GRIK4: variants seen among roughly 807,000 people sequenced by gnomAD.
GRIK4 encodes the protein glutamate ionotropic receptor kainate type subunit 4.
In GRIK4, 40 loss-of-function variants were observed where a neutral mutation model predicts 104.9. The ratio of observed to expected loss-of-function variants is 0.38; its 90% CI spans 0.30 to 0.50. The LOEUF is 0.50. Ranked by LOEUF, GRIK4 falls within the 20% of genes least tolerant of loss-of-function variation. GRIK4 has a pLI of 0.93. For synonymous variants in GRIK4, 485 were observed against 524.9 expected, an observed-to-expected ratio of 0.92 and a Z score of 1.04; for missense variants, 1,047 against 1,308.1, an observed-to-expected ratio of 0.80 and a Z score of 3.08.
intron 19 of GRIK4, among the ~76,000 whole-genome samples, chr11:120,973,048 C>T (rs560236084): frequency 1.3e-5 from 2 of 152,140 alleles, no homozygotes; most frequent in Non-Finnish European, 2.9e-5. Flanking sequence ...ACCTGAAATA[C>T]ATCCCGGGAA....
At chr11:120,678,372 G>C (rs962092678) in intron 3 of GRIK4, among the ~76,000 whole-genome samples, 10 of 152,268 alleles carry the variant, frequency 6.6e-5, no homozygotes, top group African/African-American at 2.4e-4. Flanking sequence ...GGCCAAGTCT[G>C]CATGCTGGCT....
intron 1 of GRIK4, among the ~76,000 whole-genome samples, chr11:120,649,490 C>T (rs1237580301): frequency 1.3e-5 from 2 of 152,182 alleles, no homozygotes; most frequent in Non-Finnish European, 2.9e-5. Context: ...CTCAGGACTT[C>T]CTCTTTGTCA....
At chr11:120,784,383 G>C (rs1371973728) in intron 3 of GRIK4, among the ~76,000 whole-genome samples, 2 of 152,258 alleles carry the variant, frequency 1.3e-5, no homozygotes, top group African/African-American at 4.8e-5. Flanking sequence ...TGGCCCTCCA[G>C]ATTTTTCTAC....
intron 1 of GRIK4, among the ~76,000 whole-genome samples, chr11:120,571,562 C>T (rs1167207551): frequency 1.3e-5 from 2 of 152,136 alleles, no homozygotes; most frequent in Non-Finnish European, 2.9e-5. Context: ...TGCTGGTTTA[C>T]ATCAGGTGTT....
intron 1 of GRIK4, among the ~76,000 whole-genome samples, chr11:120,514,335 G>A (rs985935300): frequency 3.3e-5 from 5 of 152,098 alleles, no homozygotes; most frequent in East Asian, 3.9e-4. Context: ...GCATCTGATC[G>A]CTCCTTACAG....
chr11:120,843,945 G>T (rs1011389704), intron 8 of GRIK4, among the ~76,000 whole-genome samples: 8 of 152,136 alleles, frequency 5.3e-5, no homozygotes, highest in African/African-American at 1.9e-4. Flanking sequence ...AGGTCCAAGT[G>T]AGCCCTGCAG....
intron 12 of GRIK4, among the ~76,000 whole-genome samples, chr11:120,901,266 C>T (rs909056800): frequency 1.3e-5 from 2 of 152,074 alleles, no homozygotes; most frequent in African/African-American, 2.4e-5. Context: ...CTCGCCTTCT[C>T]CTCCCCATGC....
chr11:120,627,129 C>T (rs930067120), intron 1 of GRIK4, among the ~76,000 whole-genome samples: 5 of 152,208 alleles, frequency 3.3e-5, no homozygotes, highest in Non-Finnish European at 5.9e-5. Context: ...TCTGTGTCAC[C>T]AGCCCACTTT....
chr11:120,920,835 C>T (rs936091298), intron 13 of GRIK4, among the ~76,000 whole-genome samples: 5 of 152,136 alleles, frequency 3.3e-5, no homozygotes, highest in African/African-American at 7.2e-5. Context: ...TCCTCTATGC[C>T]CTGCCTGGCA....
chr11:120,701,310 T>C (rs764201028), intron 3 of GRIK4, among the ~76,000 whole-genome samples: 116 of 152,314 alleles, frequency 7.6e-4, no homozygotes, highest in African/African-American at 1.9e-3. Context: ...ATAATAACCA[T>C]TGCTTCCTTC....
chr11:120,874,702 A>G (rs950149046), intron 10 of GRIK4, among the ~76,000 whole-genome samples: 1 of 152,188 alleles, frequency 6.6e-6, no homozygotes, highest in Non-Finnish European at 1.5e-5. Context: ...CTTCTGTCAG[A>G]GAAGCCTGCT....
intron 11 of GRIK4, among the ~76,000 whole-genome samples, chr11:120,888,195 G>T (rs116187710): frequency 6.6e-6 from 1 of 152,106 alleles, no homozygotes; most frequent in Non-Finnish European, 1.5e-5. Flanking sequence ...ATAAGGATTC[G>T]AATGTTTACT....
chr11:120,742,317 GT>G (rs1444619386), intron 3 of GRIK4, among the ~76,000 whole-genome samples: 15 of 145,948 alleles, frequency 1.0e-4, no homozygotes, highest in African/African-American at 3.8e-4. Flanking sequence ...GTGTACTCCA[GT>G]CTGGGCCACA....
chr11:120,530,712 C>G (rs1947914371), intron 1 of GRIK4, among the ~76,000 whole-genome samples: 1 of 152,064 alleles, frequency 6.6e-6, no homozygotes, highest in South Asian at 2.1e-4. Flanking sequence ...GTTCAGAGGC[C>G]TAAGAAGGTT....
rs115495010 is a variant in GRIK4 at position 120,746,951 on chromosome 11, G to A, written c.83-55742G>A. 1.5e-3 allele frequency among the ~76,000 whole-genome samples: 226 copies of A among 152,294 alleles called. 1 individual carries two copies. Among genetic ancestry groups the A allele is most frequent in the African/African-American group, 5.2e-3 (216 of 41,564 alleles). ...TGACTCCACCACTGGTAAGCTGTGC[G>A]ACATTGTGCAAACCACATCCCCTTC... On this transcript the variant is annotated intron_variant, in intron 3 of 20. Coordinates refer to ENST00000527524, the MANE Select transcript of GRIK4 (RefSeq NM_014619.5).
chr11:120,732,230 C>G (rs1281304811), intron 3 of GRIK4, among the ~76,000 whole-genome samples: 1 of 152,162 alleles, frequency 6.6e-6, no homozygotes, highest in Non-Finnish European at 1.5e-5. Context: ...CTCCTGGGTT[C>G]AAGCGATTCT....
intron 1 of GRIK4, among the ~76,000 whole-genome samples, chr11:120,624,768 A>G (rs1363722108): frequency 6.6e-6 from 1 of 152,018 alleles, no homozygotes; most frequent in Non-Finnish European, 1.5e-5. Context: ...AACAGCTCCC[A>G]CCTCACCTTC....
At position 120,956,795 on chromosome 11, in the gene GRIK4, G is replaced by C; in HGVS notation, c.1716G>C (p.Glu572Asp). 6.3e-7 allele frequency: 1 copy of C among 1,595,890 alleles called. No homozygotes were observed. ...TCTCCCACAGGTTGACGCCCTACGA[G>C]TGGTACAGCCCACACCCATGTGCCC... ...LFLVARLTPYEWYSPHPCAQG... is the reference protein window; with the variant it reads ...LFLVARLTPYDWYSPHPCAQG... Residue 572 changes from glutamate (E) to aspartate (D), a missense_variant, in exon 16 of 21, where the codon GAG becomes GAC. Coordinates refer to ENST00000527524, the MANE Select transcript of GRIK4 (RefSeq NM_014619.5). The surrounding 1 kb of genome is among the most constrained non-coding windows in gnomAD (Gnocchi z 4.6).
intron 5 of GRIK4, among the ~76,000 whole-genome samples, chr11:120,818,020 G>A (rs1045664945): frequency 6.6e-6 from 1 of 152,210 alleles, no homozygotes; most frequent in Non-Finnish European, 1.5e-5. Flanking sequence ...CAAGTTAAGT[G>A]GTTTATCTGA....
Sources: gnomAD v4.1 joint callset for allele counts (sites outside exome capture counted in the v4.1 genomes callset) on GRCh38, gnomAD v4.1.1 for gene constraint, Gnocchi (gnomAD v3.1) non-coding constraint, MANE v1.5 for transcripts, NCBI Gene and HGNC (gene_info 2026-07-23, HGNC 2026-07-21) for gene names.